Variants in CTNNA3 observed in about 807,000 individuals in gnomAD.
CTNNA3 encodes the protein catenin alpha-3.
A neutral mutation model predicts 95.7 loss-of-function variants in CTNNA3; 76 were observed. That is an observed-to-expected ratio of 0.79 (90% CI 0.66 to 0.96). CTNNA3 has a LOEUF of 0.96. Among genes scored for constraint, CTNNA3 ranks in the 40% least tolerant of loss-of-function variants. The pLI is 0.00. For missense variants in CTNNA3, 1,191 were observed against 1,089.8 expected (o/e 1.09, Z -1.31); for synonymous variants, 431 against 374.4 (o/e 1.15, Z -1.74).
chr10:66,525,097 A>G (rs1185571623), intron 10 of CTNNA3, among the ~76,000 whole-genome samples: 1 of 151,974 alleles, frequency 6.6e-6, no homozygotes, highest in Non-Finnish European at 1.5e-5. Context: ...AAAAATAAAC[A>G]GGCAAAAGCA....
At chr10:66,159,819 T>G (rs538730760) in intron 13 of CTNNA3, among the ~76,000 whole-genome samples, 9 of 152,108 alleles carry the variant, frequency 5.9e-5, no homozygotes, top group African/African-American at 2.2e-4. Context: ...ATTTTATTTT[T>G]GTTGGTAATT....
intron 9 of CTNNA3, among the ~76,000 whole-genome samples, chr10:66,715,825 A>C (rs1848433274): frequency 6.6e-6 from 1 of 152,016 alleles, no homozygotes; most frequent in African/African-American, 2.4e-5. Flanking sequence ...CTTGACAGGG[A>C]TGAGCCAAAG....
chr10:66,459,918 TTGTTA>T (rs1176937367), intron 11 of CTNNA3, among the ~76,000 whole-genome samples: 1 of 152,190 alleles, frequency 6.6e-6, no homozygotes, highest in Admixed American at 6.6e-5. Flanking sequence ...ATTTCTTATA[TTGTTA>T]TTGAAACAAA....
At chr10:66,404,857 G>T (rs1022157735) in intron 11 of CTNNA3, among the ~76,000 whole-genome samples, 1 of 151,732 alleles carries the variant, frequency 6.6e-6, no homozygotes, top group Middle Eastern at 3.2e-3. Context: ...TTCCACTGTG[G>T]CCCAGGGAAG....
At chr10:66,467,485 C>CA (rs1468119901) in intron 11 of CTNNA3, among the ~76,000 whole-genome samples, 2 of 151,926 alleles carry the variant, frequency 1.3e-5, no homozygotes, top group East Asian at 3.9e-4. Context: ...TTGCCCAAGA[C>CA]AAAAAATGGC....
chr10:66,178,424 T>TACATATATATATATATATATATATAC (rs773951182), intron 13 of CTNNA3, among the ~76,000 whole-genome samples: 1 of 93,984 alleles, frequency 1.1e-5, no homozygotes, highest in Non-Finnish European at 2.0e-5. Flanking sequence ...TATATATATA[T>TACATATATATATATATATATATATAC]ATATATATAT....
intron 10 of CTNNA3, among the ~76,000 whole-genome samples, chr10:66,570,418 A>G (rs1842835896): frequency 6.6e-6 from 1 of 152,064 alleles, no homozygotes; most frequent in Non-Finnish European, 1.5e-5. Context: ...CCTTCCCAGT[A>G]GATGGGATTA....
chr10:66,228,026 A>T (rs1278674011), intron 13 of CTNNA3, among the ~76,000 whole-genome samples: 1 of 152,000 alleles, frequency 6.6e-6, no homozygotes, highest in East Asian at 1.9e-4. Context: ...TGCCTGCATT[A>T]TGATTTTTGA....
chr10:67,402,680 A>G (rs897414893), intron 5 of CTNNA3, among the ~76,000 whole-genome samples: 2 of 152,186 alleles, frequency 1.3e-5, no homozygotes, highest in Non-Finnish European at 2.9e-5. Context: ...ACCCTGGGAA[A>G]CCACATTTCT....
In CTNNA3 at chr10:66,484,722, C is replaced by T. The variant is rs138485902; in HGVS notation, c.1531+35895G>A. Among the ~76,000 whole-genome samples the T allele has an allele frequency of 6.1e-3, 935 of 152,064 alleles. 2 individuals are homozygous for T. Among genetic ancestry groups the T allele is most frequent in the Non-Finnish European group, 0.011 (772 of 67,926 alleles). On this transcript the variant is annotated intron_variant, in intron 11 of 17. Coordinates refer to ENST00000433211, the MANE Select transcript of CTNNA3 (RefSeq NM_013266.4). ...AAAAAGAAAAGCTAAGGACCAAACT[C>T]GTTTTACAAGGCTAGCATTACCCAC...
At chr10:66,232,101 G>A (rs1280895398) in intron 13 of CTNNA3, among the ~76,000 whole-genome samples, 1 of 152,158 alleles carries the variant, frequency 6.6e-6, no homozygotes, top group Non-Finnish European at 1.5e-5. Context: ...TAATCCTAAA[G>A]AGAGTAATAA....
intron 1 of CTNNA3, among the ~76,000 whole-genome samples, chr10:67,674,128 C>G (rs1304327655): frequency 1.3e-5 from 2 of 151,872 alleles, no homozygotes; most frequent in Non-Finnish European, 2.9e-5. Flanking sequence ...ACCCTAGTAC[C>G]TCACTCACGA....
intron 17 of CTNNA3, among the ~76,000 whole-genome samples, chr10:65,945,686 G>A (rs1017235147): frequency 6.6e-6 from 1 of 152,194 alleles, no homozygotes; most frequent in South Asian, 2.1e-4. Context: ...GAGGAGAAAA[G>A]AGGCTCTTTT....
rs202116115 is a variant in CTNNA3 at position 67,580,212 on chromosome 10, AT to A, written c.292+26644del. Among the ~76,000 whole-genome samples the A allele has an allele frequency of 2.6e-5, 4 of 152,134 alleles. No individual in the cohort carries two copies. In the South Asian group the frequency reaches 6.2e-4, roughly 24 times the overall value. Reference sequence around the variant, plus strand: ...GGTCTGACATTTAAATCTTTAATCCATTCTTGAATTAATTTTTGTATAAGGT... The same window carrying A: ...GGTCTGACATTTAAATCTTTAATCCATCTTGAATTAATTTTTGTATAAGGT... On this transcript the variant is annotated intron_variant, in intron 3 of 17. Coordinates refer to ENST00000433211, the MANE Select transcript of CTNNA3 (RefSeq NM_013266.4).
At chr10:66,240,335 T>G (rs1017490799) in intron 13 of CTNNA3, among the ~76,000 whole-genome samples, 1 of 152,094 alleles carries the variant, frequency 6.6e-6, no homozygotes, top group African/African-American at 2.4e-5. Context: ...TCATTTGAAA[T>G]TATCACACTT....
intron 7 of CTNNA3, among the ~76,000 whole-genome samples, chr10:67,074,414 G>A (rs1252395745): frequency 7.8e-6 from 1 of 127,536 alleles, no homozygotes; most frequent in Non-Finnish European, 1.6e-5. Flanking sequence ...GCAGTGGCAC[G>A]ATCTCGGCTC....
At chr10:66,057,944 T>A (rs1321373372) in intron 15 of CTNNA3, among the ~76,000 whole-genome samples, 1 of 152,170 alleles carries the variant, frequency 6.6e-6, no homozygotes, top group Admixed American at 6.6e-5. Context: ...TCTTATCAAG[T>A]AATGTAAAAA....
intron 10 of CTNNA3, among the ~76,000 whole-genome samples, chr10:66,587,694 A>G (rs1427335793): frequency 6.6e-6 from 1 of 152,158 alleles, no homozygotes; most frequent in African/African-American, 2.4e-5. Flanking sequence ...AGTAAGCCCC[A>G]CTCAGCTCCC....
chr10:66,797,401 A>T (rs1841245150), intron 7 of CTNNA3, among the ~76,000 whole-genome samples: 2 of 135,822 alleles, frequency 1.5e-5, no homozygotes, highest in Admixed American at 1.5e-4. Flanking sequence ...TGAGTTCAAA[A>T]GTAAGAAAAA....
Sources: gnomAD v4.1 joint callset for allele counts (sites outside exome capture counted in the v4.1 genomes callset) on GRCh38, gnomAD v4.1.1 for gene constraint, MANE v1.5 for transcripts, NCBI Gene and HGNC (gene_info 2026-07-23, HGNC 2026-07-21) for gene names.